The following ITGA9 variants were observed in gnomAD, a reference collection of about 807,000 sequenced individuals.
ITGA9 encodes the protein integrin subunit alpha 9, also known as integrin alpha-9.
A neutral mutation model predicts 127.8 loss-of-function variants in ITGA9; 56 were observed. The observed-to-expected ratio is 0.44, with a 90% CI of 0.35 to 0.55. The LOEUF is 0.55. Among genes scored for constraint, ITGA9 ranks in the 20% least tolerant of loss-of-function variants. ITGA9 has a pLI of 0.00. For synonymous variants in ITGA9, 508 were observed against 514.5 expected (o/e 0.99, Z 0.17); for missense variants, 1,196 against 1,347.1 (o/e 0.89, Z 1.76).
chr3:37,543,102 T>C (rs1384001638), intron 15 of ITGA9, among the ~76,000 whole-genome samples: 2 of 152,240 alleles, frequency 1.3e-5, no homozygotes, highest in African/African-American at 4.8e-5. Flanking sequence ...CCTCGCACTC[T>C]AAATAAACTT....
chr3:37,568,231 T>G (rs1051270164), intron 15 of ITGA9, among the ~76,000 whole-genome samples: 1 of 152,258 alleles, frequency 6.6e-6, no homozygotes, highest in Admixed American at 6.5e-5. Context: ...AAGCTGTACC[T>G]TGGCCCCTTT....
chr3:37,690,250 G>C (rs1426380873), intron 18 of ITGA9, among the ~76,000 whole-genome samples: 1 of 152,212 alleles, frequency 6.6e-6, no homozygotes, highest in Non-Finnish European at 1.5e-5. Context: ...GAGCAAAGGA[G>C]GAGGGGCAGG....
At chr3:37,645,864 G>A (rs1219199262) in intron 16 of ITGA9, among the ~76,000 whole-genome samples, 2 of 152,166 alleles carry the variant, frequency 1.3e-5, no homozygotes, top group African/African-American at 4.8e-5. Context: ...TGGGAGAAAT[G>A]AGCTACCCTT....
chr3:37,667,498 T>C (rs1297656841), intron 17 of ITGA9, among the ~76,000 whole-genome samples: 1 of 152,130 alleles, frequency 6.6e-6, no homozygotes. Flanking sequence ...GAGGATAAGA[T>C]CCCTGAGCCC....
At chr3:37,684,195 A>G (rs1227234891) in intron 18 of ITGA9, among the ~76,000 whole-genome samples, 180 bp downstream of exon 18, 1 of 152,236 alleles carries the variant, frequency 6.6e-6, no homozygotes, top group African/African-American at 2.4e-5. Context: ...TAGCCAAAGA[A>G]GCAGCCGTAA....
intron 18 of ITGA9, among the ~76,000 whole-genome samples, chr3:37,692,623 T>C (rs574952869): frequency 1.3e-5 from 2 of 152,226 alleles, no homozygotes; most frequent in East Asian, 3.9e-4. Context: ...AAATAATGCT[T>C]GTTGATTTTT....
At chr3:37,670,707 T>C (rs1201798084) in intron 17 of ITGA9, among the ~76,000 whole-genome samples, 1 of 152,260 alleles carries the variant, frequency 6.6e-6, no homozygotes, top group African/African-American at 2.4e-5. Flanking sequence ...TTAATATGTT[T>C]TTTTTAAAGC....
intron 17 of ITGA9, among the ~76,000 whole-genome samples, chr3:37,674,101 A>G (rs1700660565): frequency 6.6e-6 from 1 of 152,228 alleles, no homozygotes; most frequent in Non-Finnish European, 1.5e-5. Flanking sequence ...CTTAGGAGAC[A>G]TAGAAATGTT....
chr3:37,764,586 C>T lies in ITGA9; in HGVS notation c.2542-12806C>T, dbSNP rs563407308. ...CCATTTTCTCCAATAGCCCCTCATC[C>T]CTGACCTTGTCTTCCAGCCTCCCTG... On this transcript the variant is annotated intron_variant, in intron 23 of 27. Coordinates refer to ENST00000264741, the MANE Select transcript of ITGA9 (RefSeq NM_002207.3). Among the ~76,000 whole-genome samples the T allele has an allele frequency of 2.0e-5, 3 of 152,244 alleles. No individual in the cohort carries two copies. The East Asian group carries it at 5.8e-4, about 29-fold the overall frequency.
intron 18 of ITGA9, among the ~76,000 whole-genome samples, chr3:37,731,111 A>G (rs1401856865): frequency 6.6e-6 from 1 of 152,208 alleles, no homozygotes; most frequent in Admixed American, 6.5e-5. Context: ...TTATCACTCA[A>G]TAATTTTATG....
At chr3:37,469,380 T>A (rs765017997) in intron 1 of ITGA9, among the ~76,000 whole-genome samples, 2 of 152,206 alleles carry the variant, frequency 1.3e-5, no homozygotes, top group Non-Finnish European at 2.9e-5. Context: ...TAAATGTCCA[T>A]GCTGTGTGTG....
intron 1 of ITGA9, among the ~76,000 whole-genome samples, chr3:37,461,987 A>G (rs1274350113): frequency 1.4e-5 from 2 of 140,218 alleles, no homozygotes; most frequent in Admixed American, 7.2e-5. Flanking sequence ...ATGTATTGCC[A>G]TATTTCTCTT....
At chr3:37,717,625 T>C (rs1701148851) in intron 18 of ITGA9, among the ~76,000 whole-genome samples, 1 of 152,058 alleles carries the variant, frequency 6.6e-6, no homozygotes, top group East Asian at 1.9e-4. Flanking sequence ...AACCTTCAGA[T>C]CTCATGAGAA....
At chr3:37,744,225 C>T (rs1696473467) in intron 22 of ITGA9, among the ~76,000 whole-genome samples, 191 bp downstream of exon 22, 1 of 152,104 alleles carries the variant, frequency 6.6e-6, no homozygotes, top group Non-Finnish European at 1.5e-5. Flanking sequence ...CTGTGCAGGC[C>T]CCTCTGCTTT....
chr3:37,479,029 C>G (rs1399100832), intron 3 of ITGA9, among the ~76,000 whole-genome samples: 1 of 152,146 alleles, frequency 6.6e-6, no homozygotes, highest in African/African-American at 2.4e-5. Context: ...ACAGCCCCTC[C>G]AACTCAGAAA....
intron 16 of ITGA9, among the ~76,000 whole-genome samples, chr3:37,651,658 AGT>A (rs1413545394): frequency 6.6e-6 from 1 of 152,174 alleles, no homozygotes; most frequent in Non-Finnish European, 1.5e-5. Context: ...AGGAGGGAAA[AGT>A]GTGTGGAACT....
At chr3:37,586,513 T>G (rs1469480466) in intron 15 of ITGA9, among the ~76,000 whole-genome samples, 1 of 152,258 alleles carries the variant, frequency 6.6e-6, no homozygotes, top group Non-Finnish European at 1.5e-5. Flanking sequence ...CTTTTAGGAA[T>G]GCCATTTGGC....
At chr3:37,541,997 C>G (rs137921218) in intron 14 of ITGA9, among the ~76,000 whole-genome samples, 1 of 152,106 alleles carries the variant, frequency 6.6e-6, no homozygotes, top group Non-Finnish European at 1.5e-5. Context: ...AAACCATGTG[C>G]TTTATAGAAG....
chr3:37,470,453 A>G (rs961774745), intron 1 of ITGA9, among the ~76,000 whole-genome samples: 3 of 152,178 alleles, frequency 2.0e-5, no homozygotes, highest in African/African-American at 7.2e-5. Context: ...AACATAGTTG[A>G]GCACCTTTTC....
Sources: allele counts gnomAD v4.1 joint callset (sites outside exome capture counted in the v4.1 genomes callset), GRCh38; gene constraint gnomAD v4.1.1; transcripts MANE v1.5; gene names NCBI Gene and HGNC (gene_info 2026-07-23, HGNC 2026-07-21).